The following PANK1 variants were observed in gnomAD, a reference collection of about 807,000 sequenced individuals.
The protein encoded by PANK1 is pantothenate kinase 1.
In PANK1, 18 loss-of-function variants were observed where a neutral mutation model predicts 40.1. The observed-to-expected ratio is 0.45, with a 90% CI of 0.31 to 0.67. The LOEUF is 0.67. PANK1 is among the 30% of genes least tolerant of loss of function. The pLI, the probability that PANK1 is intolerant of heterozygous loss-of-function variation, is 0.06. For synonymous variants in PANK1, 242 were observed against 237.7 expected, an observed-to-expected ratio of 1.02 and a Z score of -0.17; for missense variants, 457 against 599.6, an observed-to-expected ratio of 0.76 and a Z score of 2.48.
intron 1 of PANK1, among the ~76,000 whole-genome samples, chr10:89,614,244 G>A (rs1845251957): frequency 6.6e-6 from 1 of 152,102 alleles, no homozygotes; most frequent in Admixed American, 6.5e-5. Context: ...ACATTGCTGG[G>A]AAATATTTTG....
In PANK1 at chr10:89,599,465, C is replaced by T; in HGVS notation, c.686G>A (p.Cys229Tyr). ...LQLHKLDELDCLIQGLLYVDS... is the reference protein window; with the variant it reads ...LQLHKLDELDYLIQGLLYVDS... ...GACATAAAGCAGGCCCTGAATCAGACAGTCCAGTTCATCCAGTTTATGCAG... is the reference window on the plus strand; with the variant it reads ...GACATAAAGCAGGCCCTGAATCAGATAGTCCAGTTCATCCAGTTTATGCAG... The change falls in exon 3 of 7, where the codon TGT becomes TAT. Residue 229 changes from cysteine (C) to tyrosine (Y), a missense_variant. By Grantham distance (194) the Cys-to-Tyr change is radical. Around this residue, in one of 4 missense-constraint regions of PANK1, gnomAD observed 286 missense variants for 415.8 expected, o/e 0.69. Coordinates refer to ENST00000307534, the MANE Select transcript of PANK1 (RefSeq NM_148977.3). 6.2e-7 allele frequency: 1 copy of T among 1,613,816 alleles called. No individual in the cohort carries two copies. The highest frequency in any genetic ancestry group is 2.2e-5 in the East Asian group (1 of 44,892).
chr10:89,627,496 C>T (rs943047706), intron 1 of PANK1, among the ~76,000 whole-genome samples: 2 of 152,160 alleles, frequency 1.3e-5, no homozygotes, highest in African/African-American at 2.4e-5. Flanking sequence ...GAAGGAAAAT[C>T]GTACAGGCTT....
chr10:89,589,176 A>G (rs1484253350), intron 5 of PANK1, among the ~76,000 whole-genome samples: 2 of 152,196 alleles, frequency 1.3e-5, no homozygotes, highest in Non-Finnish European at 2.9e-5. Flanking sequence ...CTCACAAATA[A>G]AACGGCTATG....
At chr10:89,638,382 T>C (rs1350492990) in intron 1 of PANK1, among the ~76,000 whole-genome samples, 1 of 152,212 alleles carries the variant, frequency 6.6e-6, no homozygotes, top group Admixed American at 6.5e-5. Context: ...CATTCTTCCA[T>C]TGTCCTAATG....
intron 2 of PANK1, among the ~76,000 whole-genome samples, chr10:89,610,986 T>TA (rs11318817): frequency 0.038 from 5,698 of 150,930 alleles, 402 homozygotes; most frequent in East Asian, 0.28. Flanking sequence ...AAGGGAATGC[T>TA]AAAAAAAAAA....
At chr10:89,638,294 T>TTCC (rs750176871) in intron 1 of PANK1, among the ~76,000 whole-genome samples, 1 of 152,248 alleles carries the variant, frequency 6.6e-6, no homozygotes, top group Non-Finnish European at 1.5e-5. Context: ...ATGACTGTAT[T>TTCC]TCCTTCTCCG....
intron 1 of PANK1, among the ~76,000 whole-genome samples, chr10:89,634,869 T>C (rs1434053564): frequency 3.3e-5 from 5 of 152,202 alleles, no homozygotes; most frequent in African/African-American, 1.2e-4. Flanking sequence ...AGGCAATCTA[T>C]GATAATCAGG....
intron 1 of PANK1, chr10:89,644,004 T>A: frequency 2.1e-6 from 1 of 486,774 alleles, no homozygotes; most frequent in Non-Finnish European, 3.3e-6. Context: ...CCACATGGTA[T>A]CAGTGGGTGT....
chr10:89,595,853 T>A (rs1487514571), intron 3 of PANK1, among the ~76,000 whole-genome samples: 19 of 114,416 alleles, frequency 1.7e-4, no homozygotes, highest in African/African-American at 3.0e-4. Context: ...TATATATATA[T>A]ATATATATAT....
At chr10:89,579,931 C>G (rs1844023421), downstream of PANK1, 1 of 152,196 alleles carries the variant, frequency 6.6e-6, no homozygotes, top group Non-Finnish European at 1.5e-5. Flanking sequence ...AAAAATTAAA[C>G]AGATGAGCAA....
intron 3 of PANK1, among the ~76,000 whole-genome samples, chr10:89,595,690 C>A (rs553832640): frequency 6.8e-6 from 1 of 146,514 alleles, no homozygotes. Context: ...CTTGGTGGCA[C>A]GCGCCTGTAA....
At position 89,607,990 on chromosome 10, in the gene PANK1, T is replaced by C. The variant is rs1845021965; in HGVS notation, c.645+3706A>G. On this transcript the variant is annotated intron_variant, in intron 2 of 6. Transcript: ENST00000307534. ...TAACTCATTGATTTTGAAGGCTAGT[T>C]TTTGCCAGTCAAAAATTTGGTTATG... Among the ~76,000 whole-genome samples, 3 of 152,070 alleles carry C rather than the reference T, an allele frequency of 2.0e-5. No homozygotes were observed. In the South Asian group the frequency reaches 6.2e-4, roughly 32 times the overall value.
At chr10:89,594,993 C>T (rs1319837539) in intron 3 of PANK1, among the ~76,000 whole-genome samples, 1 of 152,150 alleles carries the variant, frequency 6.6e-6, no homozygotes, top group East Asian at 1.9e-4. Flanking sequence ...GTTCTGAAGC[C>T]CCAAAGAGCT....
intron 1 of PANK1, among the ~76,000 whole-genome samples, chr10:89,614,793 T>C (rs10881607): frequency 0.23 from 34,494 of 150,680 alleles, 4,585 homozygotes; most frequent in East Asian, 0.51. Context: ...TGAGACCCCC[T>C]ATCTCAAAAA....
chr10:89,588,567 T>A (rs1564615883), intron 6 of PANK1, 85 bp downstream of exon 6: 3 of 1,061,354 alleles, frequency 2.8e-6, no homozygotes, highest in East Asian at 2.8e-5. Context: ...TTGACCAATT[T>A]AAAAAGCTAA....
At chr10:89,625,458 A>G (rs1210259112) in intron 1 of PANK1, among the ~76,000 whole-genome samples, 1 of 152,202 alleles carries the variant, frequency 6.6e-6, no homozygotes, top group East Asian at 1.9e-4. Context: ...ACTAAACCCC[A>G]TGGCTGTGGT....
intron 5 of PANK1, among the ~76,000 whole-genome samples, chr10:89,589,590 A>C (rs1182598950): frequency 6.6e-6 from 1 of 152,154 alleles, no homozygotes; most frequent in African/African-American, 2.4e-5. Flanking sequence ...CTCATATCAA[A>C]GGCAAGAGAG....
chr10:89,607,629 AG>A (rs2133956254), intron 2 of PANK1, among the ~76,000 whole-genome samples: 1 of 152,366 alleles, frequency 6.6e-6, no homozygotes, highest in Non-Finnish European at 1.5e-5. Flanking sequence ...CTATATGGGC[AG>A]AATTAATGAC....
chr10:89,611,403 A>G (rs780467380), intron 2 of PANK1, among the ~76,000 whole-genome samples: 1 of 152,234 alleles, frequency 6.6e-6, no homozygotes, highest in Non-Finnish European at 1.5e-5. Context: ...GGATTTTAGC[A>G]TCTTGTCTTT....
Sources: gnomAD v4.1 joint callset for allele counts (sites outside exome capture counted in the v4.1 genomes callset) on GRCh38, gnomAD v4.1.1 for gene constraint, gnomAD v4.1.1 regional missense constraint, MANE v1.5 for transcripts, NCBI Gene and HGNC (gene_info 2026-07-23, HGNC 2026-07-21) for gene names.